Variants in CLPTM1L observed in about 807,000 individuals in gnomAD.
CLPTM1L encodes CLPTM1 like.
CLPTM1L carries 38 observed loss-of-function variants against 70.9 expected under a neutral mutation model. That is an observed-to-expected ratio of 0.54 (90% CI 0.41 to 0.70). The LOEUF (loss-of-function observed/expected upper bound fraction) is 0.70. Among genes scored for constraint, CLPTM1L ranks in the 30% least tolerant of loss-of-function variants. The pLI, the probability that CLPTM1L is intolerant of heterozygous loss-of-function variation, is 0.00. For missense variants in CLPTM1L, 652 were observed against 705.9 expected (o/e 0.92, Z 0.87); for synonymous variants, 339 against 299.9 (o/e 1.13, Z -1.35).
Position 1,334,329 on chromosome 5 carries a change from A to C in CLPTM1L, c.851T>G (p.Leu284Ter). 6.2e-7 allele frequency: 1 copy of C among 1,613,872 alleles called. No individual in the cohort carries two copies. Among genetic ancestry groups the C allele is most frequent in the Non-Finnish European group, 8.5e-7 (1 of 1,179,808 alleles). The change falls in exon 7 of 17, where the codon TTA becomes TGA. Residue 284 changes from leucine (L) to a stop codon, truncating the protein, a stop_gained. Transcript: ENST00000320895. LOFTEE classifies it high-confidence loss of function. ...AAAGAAGGTCAGCGCCAGGAAGTATAAGTTGGTATCTACAAAAATTCCTTT... is the reference window on the plus strand; with the variant it reads ...AAAGAAGGTCAGCGCCAGGAAGTATCAGTTGGTATCTACAAAAATTCCTTT... ...EVKGIFVDTNLYFLALTFFVA... is the reference protein window; with the variant it reads ...EVKGIFVDTN
chr5:1,344,870 C>G lies in CLPTM1L; in HGVS notation c.-29G>C. 7.3e-7 allele frequency: 1 copy of G among 1,360,608 alleles called. No homozygotes were observed. Among genetic ancestry groups the G allele is most frequent in the African/African-American group, 1.5e-5 (1 of 65,448 alleles). The allele number at this position is 1,360,608 out of a possible 1,614,324, so 84.3% of individuals were successfully genotyped here. On this transcript the variant is annotated 5_prime_UTR_variant, in exon 1 of 17. Transcript: ENST00000320895. ...GGCCCCGCGCCCGGCGCCCCCGGCCCGCCCGCCTCTCAGCCGCGAGCCCCG... is the reference window on the plus strand; with the variant it reads ...GGCCCCGCGCCCGGCGCCCCCGGCCGGCCCGCCTCTCAGCCGCGAGCCCCG...
chr5:1,332,928 T>C (rs1183805492), intron 7 of CLPTM1L, among the ~76,000 whole-genome samples: 1 of 151,538 alleles, frequency 6.6e-6, no homozygotes, highest in Admixed American at 6.6e-5. Flanking sequence ...CAGATGAGGA[T>C]AAGGGGCGGA....
intron 12 of CLPTM1L, 109 bp from the exon 13 acceptor site, chr5:1,323,020 G>A: frequency 9.1e-7 from 1 of 1,101,788 alleles, no homozygotes; most frequent in Non-Finnish European, 1.4e-6. Flanking sequence ...ATACCCAGAT[G>A]CTCTCACGGC....
chr5:1,341,091 CA>C (rs1753909829), intron 3 of CLPTM1L, among the ~76,000 whole-genome samples: 2 of 152,354 alleles, frequency 1.3e-5, no homozygotes, highest in Non-Finnish European at 1.5e-5. Flanking sequence ...TCTCACCTTC[CA>C]CTCAACACAA....
intron 9 of CLPTM1L, among the ~76,000 whole-genome samples, chr5:1,328,393 C>G (rs1330065468): frequency 2.0e-5 from 3 of 147,948 alleles, no homozygotes; most frequent in Non-Finnish European, 4.5e-5. Context: ...AGGGACATTT[C>G]TTCCAGCTCC....
chr5:1,321,862 G>T, intron 13 of CLPTM1L, 43 bp from the exon 14 acceptor site: 6 of 1,578,840 alleles, frequency 3.8e-6, no homozygotes, highest in Non-Finnish European at 5.2e-6. Context: ...GGAGGGCCGG[G>T]CTGCCACATC....
chr5:1,337,316 T>C (rs1753637495), intron 5 of CLPTM1L, among the ~76,000 whole-genome samples: 1 of 152,224 alleles, frequency 6.6e-6, no homozygotes, highest in African/African-American at 2.4e-5. Flanking sequence ...TTGGCCACAT[T>C]TCATCTCCTC....
At chr5:1,332,821 A>G (rs1002927711) in intron 7 of CLPTM1L, among the ~76,000 whole-genome samples, 9 of 152,216 alleles carry the variant, frequency 5.9e-5, no homozygotes, top group African/African-American at 1.9e-4. Context: ...TACATAATAC[A>G]TATATTCATT....
At chr5:1,325,049 C>T (rs1752432539) in intron 10 of CLPTM1L, 1 of 589,412 alleles carries the variant, frequency 1.7e-6, no homozygotes. Flanking sequence ...CGCGGCCTCA[C>T]TGCTGTTCCT....
rs536693134 is a variant in CLPTM1L, at chr5:1,324,554, G to A, written c.1197+209C>T. ...ACGGTGACACAGGCAGGCTGTGCCT[G>A]TAAGGACTGGGAAATGAGTCTCTGC... On this transcript the variant is annotated intron_variant, in intron 11 of 16. Transcript: ENST00000320895. Among the ~76,000 whole-genome samples the A allele has an allele frequency of 5.3e-5, 8 of 152,254 alleles. No homozygotes were observed. The South Asian group carries it at 1.7e-3, about 32-fold the overall frequency.
intron 5 of CLPTM1L, among the ~76,000 whole-genome samples, chr5:1,335,818 G>A (rs1161597190): frequency 6.6e-6 from 1 of 152,192 alleles, no homozygotes; most frequent in Admixed American, 6.5e-5. Context: ...GTGAGGAACG[G>A]GTTCACAAGC....
intron 16 of CLPTM1L, among the ~76,000 whole-genome samples, chr5:1,319,168 C>G (rs530282152): frequency 6.6e-6 from 1 of 152,176 alleles, no homozygotes; most frequent in African/African-American, 2.4e-5. Context: ...CAGCAGCGTC[C>G]GGGGCTCCGT....
intron 7 of CLPTM1L, among the ~76,000 whole-genome samples, chr5:1,333,007 G>A (rs1308168420): frequency 1.4e-5 from 2 of 141,362 alleles, no homozygotes; most frequent in Non-Finnish European, 3.1e-5. Flanking sequence ...GATAAGGGGG[G>A]AATACTGTAG....
chr5:1,342,963 C>T lies in CLPTM1L; in HGVS notation c.264-1103G>A, dbSNP rs1026769790. ...ATCCCAGCACCTTGGGAGGCCGAGC[C>T]GGGCAGATCACGAGGTCAGGAGTTT... On this transcript the variant is annotated intron_variant, in intron 2 of 16. Coordinates refer to ENST00000320895, the MANE Select transcript of CLPTM1L (RefSeq NM_030782.5). The surrounding 1 kb of genome is among the most constrained non-coding windows in gnomAD (Gnocchi z 4.3). Among the ~76,000 whole-genome samples the T allele has an allele frequency of 2.0e-5, 3 of 152,182 alleles. No individual in the cohort carries two copies. The highest frequency in any genetic ancestry group is 4.4e-5 in the Non-Finnish European group (3 of 68,028).
At chr5:1,333,684 T>C in intron 7 of CLPTM1L, among the ~76,000 whole-genome samples, 2 of 96,948 alleles carry the variant, frequency 2.1e-5, no homozygotes, top group South Asian at 3.5e-4. Context: ...GGGGGACTAC[T>C]GTAGACACAC....
chr5:1,328,684 A>G (rs1377570208), intron 9 of CLPTM1L, among the ~76,000 whole-genome samples: 1 of 148,024 alleles, frequency 6.8e-6, no homozygotes, highest in South Asian at 2.1e-4. Context: ...GACACATTTC[A>G]TCCAGCTCCT....
In CLPTM1L at chr5:1,335,248, C is replaced by G. The variant is rs1219023383; in HGVS notation, c.679-74G>C. 8 of 1,177,238 alleles carry G rather than the reference C, an allele frequency of 6.8e-6. No homozygotes were observed. The Admixed American group carries it at 7.2e-5, about 11-fold the overall frequency. 72.9% of individuals were successfully genotyped at this position (1,177,238 alleles called of 1,614,324 possible). A position where few individuals can be genotyped will look rare whatever the true frequency, so the allele number is the denominator to read the frequency against. ...CAGCTGCCTGGCAGCCCTCGCCAAC[C>G]CTGCCATCCCCCTTCCCATCCCTGT... On this transcript the variant is annotated intron_variant, in intron 5 of 16. Transcript: ENST00000320895.
rs769044531 is a variant in CLPTM1L at position 1,334,296 on chromosome 5, G to C, written c.884C>G (p.Ala295Gly). The C allele has an allele frequency of 1.2e-6, 2 of 1,613,154 alleles. No homozygotes were observed. Among genetic ancestry groups the C allele is most frequent in the Non-Finnish European group, 1.7e-6 (2 of 1,179,250 alleles). The change falls in exon 7 of 17, where the codon GCG (alanine) becomes GGG (glycine). Residue 295 changes from alanine to glycine, a missense_variant. Ala to Gly is a moderately conservative substitution (Grantham distance 60). Around this residue, in one of 3 missense-constraint regions of CLPTM1L, gnomAD observed 402 missense variants for 388.2 expected, o/e 1.04. Coordinates refer to ENST00000320895, the MANE Select transcript of CLPTM1L (RefSeq NM_030782.5). ...YFLALTFFVAAFHLLFDFLAF... is the reference protein window; with the variant it reads ...YFLALTFFVAGFHLLFDFLAF... ...CCCCGGTGGATGACTCACATGGAACGCTGCGACAAAGAAGGTCAGCGCCAG... is the reference window on the plus strand; with the variant it reads ...CCCCGGTGGATGACTCACATGGAACCCTGCGACAAAGAAGGTCAGCGCCAG...
At chr5:1,329,690 C>T (rs112944440) in intron 9 of CLPTM1L, among the ~76,000 whole-genome samples, 15 of 66,980 alleles carry the variant, frequency 2.2e-4, no homozygotes, top group African/African-American at 5.2e-4. Flanking sequence ...GACTCTCTGC[C>T]TGGTGGACAG....
Sources: allele counts gnomAD v4.1 joint callset (sites outside exome capture counted in the v4.1 genomes callset), GRCh38; gene constraint gnomAD v4.1.1; regional missense constraint gnomAD v4.1.1; non-coding constraint Gnocchi (gnomAD v3.1); transcripts MANE v1.5; gene names NCBI Gene and HGNC (gene_info 2026-07-23, HGNC 2026-07-21).